The following SPAG16 variants were observed in gnomAD, a reference collection of about 807,000 sequenced individuals.
SPAG16 encodes sperm-associated antigen 16 protein.
A neutral mutation model predicts 80.4 loss-of-function variants in SPAG16; 86 were observed. That is an observed-to-expected ratio of 1.07 (90% CI 0.90 to 1.28). The LOEUF (loss-of-function observed/expected upper bound fraction) is 1.28. Ranked by LOEUF, SPAG16 falls within the 50% of genes most tolerant of loss-of-function variation. The pLI is 0.00. For synonymous variants in SPAG16, 294 were observed against 265.9 expected (o/e 1.11, Z -1.03); for missense variants, 870 against 765.3 (o/e 1.14, Z -1.61).
intron 9 of SPAG16, among the ~76,000 whole-genome samples, chr2:213,459,070 C>CT (rs1192946931): frequency 1.3e-5 from 2 of 152,072 alleles, no homozygotes; most frequent in Non-Finnish European, 1.5e-5. Context: ...AATTTCTCCC[C>CT]TTTTTTTACT....
intron 15 of SPAG16, among the ~76,000 whole-genome samples, chr2:214,388,681 T>A (rs1236444996): frequency 6.6e-6 from 1 of 152,162 alleles, no homozygotes; most frequent in Non-Finnish European, 1.5e-5. Context: ...TACTTTTAAA[T>A]TTCAATCCCA....
At chr2:213,720,397 G>T (rs1377754273) in intron 10 of SPAG16, among the ~76,000 whole-genome samples, 3 of 151,604 alleles carry the variant, frequency 2.0e-5, no homozygotes, top group South Asian at 2.1e-4. Context: ...GGAGGCCGAG[G>T]TGGGCAGATC....
At chr2:214,371,838 A>G (rs575732834) in intron 15 of SPAG16, among the ~76,000 whole-genome samples, 1 of 151,100 alleles carries the variant, frequency 6.6e-6, no homozygotes, top group Non-Finnish European at 1.5e-5. Flanking sequence ...CTGCCACCAC[A>G]CCTGGCTAAT....
At chr2:214,326,417 G>T (rs1696482580) in intron 15 of SPAG16, among the ~76,000 whole-genome samples, 3 of 152,148 alleles carry the variant, frequency 2.0e-5, no homozygotes, top group Admixed American at 6.5e-5. Flanking sequence ...AACTGGGAGA[G>T]AAGCAATTTG....
chr2:213,435,820 A>G (rs2070604224), intron 9 of SPAG16, among the ~76,000 whole-genome samples: 1 of 152,226 alleles, frequency 6.6e-6, no homozygotes, highest in Admixed American at 6.5e-5. Context: ...TAAAATATGT[A>G]TTAAGGGTCA....
At chr2:214,386,827 G>A (rs1285755319) in intron 15 of SPAG16, among the ~76,000 whole-genome samples, 1 of 150,124 alleles carries the variant, frequency 6.7e-6, no homozygotes, top group Non-Finnish European at 1.5e-5. Context: ...TTGTGCCATT[G>A]CATTCCAGCC....
At chr2:213,735,727 C>T (rs1042783176) in intron 10 of SPAG16, among the ~76,000 whole-genome samples, 2 of 152,184 alleles carry the variant, frequency 1.3e-5, no homozygotes, top group Admixed American at 1.3e-4. Flanking sequence ...AAATATGTTC[C>T]ATCTCTGTGT....
chr2:213,841,083 C>A (rs371931960), intron 10 of SPAG16, among the ~76,000 whole-genome samples: 80 of 152,196 alleles, frequency 5.3e-4, no homozygotes, highest in African/African-American at 1.7e-3. Context: ...CTGCAATACA[C>A]ACAAAGGACA....
chr2:213,549,785 TTAAA>T, intron 10 of SPAG16, among the ~76,000 whole-genome samples: 1 of 152,302 alleles, frequency 6.6e-6, no homozygotes, highest in South Asian at 2.1e-4. Context: ...ACCTCATCAG[TTAAA>T]TATTTTAAAA....
chr2:214,383,016 C>T (rs896568943), intron 15 of SPAG16, among the ~76,000 whole-genome samples: 1 of 152,016 alleles, frequency 6.6e-6, no homozygotes, highest in Non-Finnish European at 1.5e-5. Context: ...TCCTGTCCCA[C>T]AAAAGACAAC....
intron 10 of SPAG16, among the ~76,000 whole-genome samples, chr2:213,804,402 G>T (rs182271987): frequency 6.6e-6 from 1 of 152,296 alleles, no homozygotes; most frequent in Admixed American, 6.5e-5. Flanking sequence ...ACATTATAAG[G>T]GCCGGGCACT....
chr2:213,956,249 C>T (rs2044129248), intron 12 of SPAG16, among the ~76,000 whole-genome samples: 1 of 151,928 alleles, frequency 6.6e-6, no homozygotes, highest in African/African-American at 2.4e-5. Context: ...AGCCACCATG[C>T]CAGGCCTTTA....
At chr2:214,302,431 GC>G (rs1319705336) in intron 15 of SPAG16, among the ~76,000 whole-genome samples, 1 of 152,066 alleles carries the variant, frequency 6.6e-6, no homozygotes, top group East Asian at 1.9e-4. Flanking sequence ...TTGTATTGCT[GC>G]CAGTGTCTTT....
chr2:214,027,161 T>C (rs2048173507), intron 13 of SPAG16, among the ~76,000 whole-genome samples: 1 of 151,616 alleles, frequency 6.6e-6, no homozygotes, highest in Non-Finnish European at 1.5e-5. Context: ...AAAATATTAG[T>C]ATGATAACCT....
chr2:213,687,512 G>T (rs977714638), intron 10 of SPAG16, among the ~76,000 whole-genome samples: 2 of 151,972 alleles, frequency 1.3e-5, no homozygotes, highest in African/African-American at 2.4e-5. Context: ...TTTTTTAAAT[G>T]ATATTCTTCC....
intron 15 of SPAG16, among the ~76,000 whole-genome samples, chr2:214,253,626 T>C (rs1418116239): frequency 1.3e-5 from 2 of 152,198 alleles, no homozygotes; most frequent in Non-Finnish European, 2.9e-5. Context: ...ATGTGTGGTG[T>C]TACTTCTGAG....
intron 10 of SPAG16, among the ~76,000 whole-genome samples, chr2:213,790,674 A>G (rs1236841252): frequency 1.3e-5 from 2 of 152,002 alleles, no homozygotes; most frequent in East Asian, 3.8e-4. Flanking sequence ...ATATATGTAC[A>G]TATGCATCCT....
chr2:213,738,702 AC>A (rs2067407058), intron 10 of SPAG16, among the ~76,000 whole-genome samples: 1 of 152,230 alleles, frequency 6.6e-6, no homozygotes, highest in Non-Finnish European at 1.5e-5. Flanking sequence ...TTAAAAATAT[AC>A]TGTATGAAAA....
At chr2:213,512,424 C>T (rs2075265584) in intron 10 of SPAG16, among the ~76,000 whole-genome samples, 1 of 152,148 alleles carries the variant, frequency 6.6e-6, no homozygotes, top group Non-Finnish European at 1.5e-5. Context: ...GAAGTGCTTC[C>T]TGTATTAATT....
Sources: gnomAD v4.1 joint callset for allele counts (sites outside exome capture counted in the v4.1 genomes callset) on GRCh38, gnomAD v4.1.1 for gene constraint, MANE v1.5 for transcripts, NCBI Gene and HGNC (gene_info 2026-07-23, HGNC 2026-07-21) for gene names.